Variants in DCN observed in about 807,000 individuals in gnomAD.
DCN encodes decorin, also known as bone proteoglycan II.
In DCN, 17 loss-of-function variants were observed where a neutral mutation model predicts 36.5. That is an observed-to-expected ratio of 0.47 (90% confidence interval 0.32 to 0.70). The LOEUF is 0.70. Among genes scored for constraint, DCN ranks in the 30% least tolerant of loss-of-function variants. The probability of loss-of-function intolerance (pLI) is 0.04; values close to 1 mark genes in which losing one functional copy is unlikely to be tolerated. For synonymous variants in DCN, 163 were observed against 161.4 expected (o/e 1.01, Z -0.07); for missense variants, 389 against 430.1 (o/e 0.90, Z 0.84).
chr12:91,177,427 C>A, intron 2 of DCN: 1 of 607,554 alleles, frequency 1.6e-6, no homozygotes, highest in East Asian at 2.8e-5. Flanking sequence ...GAAGGAAGTA[C>A]ACATGGCGGA....
intron 4 of DCN, 78 bp downstream of exon 4, chr12:91,158,218 C>T (rs1881926220): frequency 1.1e-6 from 1 of 903,362 alleles, no homozygotes; most frequent in East Asian, 2.4e-5. Flanking sequence ...AATTTACCTT[C>T]CTGCACTTAA....
chr12:91,159,703 AT>A (rs1169679914), intron 3 of DCN, among the ~76,000 whole-genome samples: 1 of 151,946 alleles, frequency 6.6e-6, no homozygotes, highest in African/African-American at 2.4e-5. Flanking sequence ...CCTCTAATTC[AT>A]TATTATTATG....
At chr12:91,171,307 A>C (rs1033842444) in intron 2 of DCN, among the ~76,000 whole-genome samples, 1 of 152,232 alleles carries the variant, frequency 6.6e-6, no homozygotes, top group African/African-American at 2.4e-5. Flanking sequence ...CTTTCTCTAC[A>C]TAATACATAA....
At chr12:91,156,307 A>G (rs1881761912) in intron 5 of DCN, among the ~76,000 whole-genome samples, 2 of 152,292 alleles carry the variant, frequency 1.3e-5, no homozygotes, top group South Asian at 4.1e-4. Context: ...AGTGTTTGGT[A>G]CATCGCCTAC....
chr12:91,147,497 C>T (rs532288938), intron 7 of DCN, among the ~76,000 whole-genome samples: 1 of 152,304 alleles, frequency 6.6e-6, no homozygotes, highest in African/African-American at 2.4e-5. Flanking sequence ...AATGGTTCTG[C>T]TTGTTTATGG....
At chr12:91,151,502 T>A in intron 7 of DCN, 152 bp downstream of exon 7, 1 of 800,730 alleles carries the variant, frequency 1.2e-6, no homozygotes, top group South Asian at 1.5e-5. Flanking sequence ...CATGATTTAA[T>A]TTTTTTTATG....
intron 2 of DCN, among the ~76,000 whole-genome samples, chr12:91,174,270 G>C (rs1270964288): frequency 2.0e-5 from 3 of 151,996 alleles, no homozygotes; most frequent in African/African-American, 7.2e-5. Flanking sequence ...TCTTTAGAGA[G>C]GTGGAGAGAG....
chr12:91,168,861 T>C (rs1380571885), intron 2 of DCN, among the ~76,000 whole-genome samples: 1 of 152,226 alleles, frequency 6.6e-6, no homozygotes, highest in African/African-American at 2.4e-5. Flanking sequence ...TTTTGTCACA[T>C]ACATATCTCA....
Position 91,151,754 on chromosome 12 carries a change from T to C in DCN, c.785A>G (p.Asn262Ser). Residue 262 changes from asparagine (N) to serine (S), a missense_variant, in exon 7 of 8, where the codon AAT (asparagine) becomes AGT (serine). Asn to Ser is a conservative substitution (Grantham distance 46). Transcript: ENST00000052754. Reference sequence around the variant, plus strand: ...ATGAGGCGTGTTGGCCAGAGAGCCATTGTCAACAGCAGAGATGCTGTTGAA... The same window carrying C: ...ATGAGGCGTGTTGGCCAGAGAGCCACTGTCAACAGCAGAGATGCTGTTGAA... ...LSFNSISAVD[N>S]GSLANTPHLR... is the part of the protein sequence containing the mutation. 1.2e-6 allele frequency: 2 copies of C among 1,614,040 alleles called. No homozygotes were observed. Among genetic ancestry groups the C allele is most frequent in the South Asian group, 1.1e-5 (1 of 91,078 alleles).
At chr12:91,177,580 T>A (rs1254741148) in intron 2 of DCN, 2 of 702,410 alleles carry the variant, frequency 2.8e-6, no homozygotes, top group Non-Finnish European at 5.2e-6. Context: ...TTCTGGAGAT[T>A]TATCTTCTAA....
In DCN at chr12:91,155,093, G is replaced by A. The variant is rs3138253; in HGVS notation, c.653-1904C>T. ...CTAAGCAAGGTGGAATCATGTATTA[G>A]ATAAGCATAACGATGAATAGAAAGG... On this transcript the variant is annotated intron_variant, in intron 5 of 7. Transcript: ENST00000052754. Among the ~76,000 whole-genome samples the A allele has an allele frequency of 5.5e-3, 833 of 152,250 alleles. 3 individuals are homozygous for A. Among genetic ancestry groups the A allele is most frequent in the African/African-American group, 0.019 (798 of 41,544 alleles).
chr12:91,170,806 G>C (rs1036034543), intron 2 of DCN, among the ~76,000 whole-genome samples: 6 of 151,976 alleles, frequency 3.9e-5, no homozygotes, highest in African/African-American at 1.2e-4. Flanking sequence ...AAATACACGA[G>C]GACCAGAGAT....
At chr12:91,150,461 G>A (rs1014876939) in intron 7 of DCN, among the ~76,000 whole-genome samples, 5 of 152,082 alleles carry the variant, frequency 3.3e-5, no homozygotes, top group African/African-American at 4.8e-5. Flanking sequence ...AAGTATTCCT[G>A]GAATCTACAC....
At chr12:91,152,198 T>C (rs758849198) in intron 6 of DCN, among the ~76,000 whole-genome samples, 7 of 152,176 alleles carry the variant, frequency 4.6e-5, no homozygotes, top group Non-Finnish European at 1.0e-4. Context: ...CATGATATTA[T>C]GCTAGGCATT....
chr12:91,170,184 T>C (rs1882867277), intron 2 of DCN, among the ~76,000 whole-genome samples: 1 of 152,080 alleles, frequency 6.6e-6, no homozygotes, highest in Non-Finnish European at 1.5e-5. Context: ...TACAAAATAA[T>C]CTCCTACCAT....
intron 3 of DCN, among the ~76,000 whole-genome samples, chr12:91,161,319 T>A (rs1882140414): frequency 6.6e-6 from 1 of 152,212 alleles, no homozygotes; most frequent in Admixed American, 6.5e-5. Context: ...AAGGGTTTTT[T>A]TAAAAAATAT....
chr12:91,148,460 G>C (rs1881181518), intron 7 of DCN, among the ~76,000 whole-genome samples: 1 of 151,860 alleles, frequency 6.6e-6, no homozygotes, highest in Non-Finnish European at 1.5e-5. Flanking sequence ...GCTTATGTCT[G>C]TAATCTCAGC....
At chr12:91,163,177 T>TAG in intron 3 of DCN, among the ~76,000 whole-genome samples, 1 of 152,346 alleles carries the variant, frequency 6.6e-6, no homozygotes, top group Non-Finnish European at 1.5e-5. Flanking sequence ...ATGCATTTTA[T>TAG]AGTGATTCTG....
intron 7 of DCN, among the ~76,000 whole-genome samples, chr12:91,148,720 T>TTAAAAAAAA (rs1881204569): frequency 5.6e-5 from 1 of 17,986 alleles, no homozygotes; most frequent in Non-Finnish European, 8.5e-5. Context: ...ACGCTCCGAC[T>TTAAAAAAAA]CAAAAAAAAA....
Sources: allele counts gnomAD v4.1 joint callset (sites outside exome capture counted in the v4.1 genomes callset), GRCh38; gene constraint gnomAD v4.1.1; transcripts MANE v1.5; gene names NCBI Gene and HGNC (gene_info 2026-07-23, HGNC 2026-07-21).